SORBS2: variants seen among roughly 807,000 people sequenced by gnomAD.
The protein encoded by SORBS2 is sorbin and SH3 domain-containing protein 2.
SORBS2 carries 46 observed loss-of-function variants against 97.7 expected under a neutral mutation model. The ratio of observed to expected loss-of-function variants is 0.47; its 90% CI spans 0.37 to 0.60. SORBS2 has a LOEUF of 0.60. Ranked by LOEUF, SORBS2 falls within the 20% of genes least tolerant of loss-of-function variation. The probability of loss-of-function intolerance (pLI) is 0.00; values close to 1 mark genes in which losing one functional copy is unlikely to be tolerated. For synonymous variants in SORBS2, 476 were observed against 473.4 expected (o/e 1.01, Z -0.07); for missense variants, 1,316 against 1,282.3 (o/e 1.03, Z -0.40).
intron 1 of SORBS2, among the ~76,000 whole-genome samples, chr4:185,943,105 A>T (rs2099272912): frequency 6.6e-6 from 1 of 152,238 alleles, no homozygotes; most frequent in South Asian, 2.1e-4. Context: ...GATGAAACAG[A>T]TTTGGATTAA....
rs549557264 is a variant in SORBS2, at chr4:185,699,664, T to C, written c.-197-20842A>G. 9.2e-5 allele frequency among the ~76,000 whole-genome samples: 14 copies of C among 152,218 alleles called. No individual in the cohort carries two copies. The South Asian group carries it at 2.9e-3, about 32-fold the overall frequency. Reference sequence around the variant, plus strand: ...TTTGAACGAGAAAATAATAAGCCAATGGAGGAAAAATATCATCTGAAGAAA... The same window carrying C: ...TTTGAACGAGAAAATAATAAGCCAACGGAGGAAAAATATCATCTGAAGAAA... On this transcript the variant is annotated intron_variant, in intron 2 of 20. Coordinates refer to the SORBS2 transcript ENST00000284776.
At chr4:185,870,604 C>T (rs1257522530) in intron 1 of SORBS2, among the ~76,000 whole-genome samples, 5 of 152,340 alleles carry the variant, frequency 3.3e-5, no homozygotes, top group Middle Eastern at 3.4e-3. Flanking sequence ...ACGGATGCTG[C>T]GCTCGTTCCT....
rs188840999 is a variant in SORBS2, at chr4:185,783,170, G to C, written c.-337-7804C>G. 1.3e-3 allele frequency among the ~76,000 whole-genome samples: 197 copies of C among 152,314 alleles called. 1 individual carries two copies. Among genetic ancestry groups the C allele is most frequent in the African/African-American group, 4.5e-3 (189 of 41,550 alleles). ...GAAGGACGAATTAAGCCCAATGAAG[G>C]ACAGTTGACCAGCATTCAAGAGGTA... is the stretch of plus-strand genomic sequence containing the variant. On this transcript the variant is annotated intron_variant, in intron 1 of 20. Transcript: ENST00000284776.
intron 1 of SORBS2, among the ~76,000 whole-genome samples, chr4:185,929,660 C>G (rs1237464512): frequency 6.6e-6 from 1 of 151,776 alleles, no homozygotes; most frequent in Non-Finnish European, 1.5e-5. Context: ...CTCAGCCTCC[C>G]GAATAGCTGG....
intron 1 of SORBS2, among the ~76,000 whole-genome samples, chr4:185,895,443 G>T (rs1305056087): frequency 6.6e-6 from 1 of 152,254 alleles, no homozygotes; most frequent in Non-Finnish European, 1.5e-5. Flanking sequence ...AATAAGCCAA[G>T]GAGGTGAGGG....
intron 2 of SORBS2, among the ~76,000 whole-genome samples, chr4:185,750,236 A>AT (rs1193070386): frequency 1.3e-5 from 2 of 152,226 alleles, no homozygotes; most frequent in Admixed American, 1.3e-4. Flanking sequence ...GCAAAGCATG[A>AT]TTTTTTAAGT....
At chr4:185,726,538 C>A (rs1263926054) in intron 2 of SORBS2, among the ~76,000 whole-genome samples, 1 of 151,910 alleles carries the variant, frequency 6.6e-6, no homozygotes, top group African/African-American at 2.4e-5. Flanking sequence ...ACAATGCTTA[C>A]TTTGTATAAG....
At chr4:185,787,183 A>C (rs1334914958) in intron 1 of SORBS2, among the ~76,000 whole-genome samples, 1 of 152,090 alleles carries the variant, frequency 6.6e-6, no homozygotes, top group East Asian at 1.9e-4. Flanking sequence ...AACAAAATAC[A>C]ACCAGTTCCC....
intron 12 of SORBS2, among the ~76,000 whole-genome samples, chr4:185,595,435 C>A (rs1370272347): frequency 3.3e-5 from 5 of 152,010 alleles, no homozygotes; most frequent in Non-Finnish European, 5.9e-5. Flanking sequence ...TCTTAAAGGT[C>A]ATTTAATTCA....
At chr4:185,640,676 GT>G (rs2097111519) in intron 4 of SORBS2, among the ~76,000 whole-genome samples, 1 of 152,118 alleles carries the variant, frequency 6.6e-6, no homozygotes, top group Non-Finnish European at 1.5e-5. Flanking sequence ...AGATTTTAAT[GT>G]CCATAAAATA....
intron 2 of SORBS2, among the ~76,000 whole-genome samples, chr4:185,720,136 C>A (rs2098500894): frequency 6.6e-6 from 1 of 152,194 alleles, no homozygotes; most frequent in South Asian, 2.1e-4. Flanking sequence ...AAAGACAGAG[C>A]AATAAATGGA....
chr4:185,757,637 GT>G (rs1294036547), intron 2 of SORBS2, among the ~76,000 whole-genome samples: 2 of 142,020 alleles, frequency 1.4e-5, no homozygotes, highest in Middle Eastern at 3.5e-3. Context: ...TTAAATCACT[GT>G]CTCAACTCCT....
At chr4:185,844,959 G>T (rs985581583) in intron 1 of SORBS2, among the ~76,000 whole-genome samples, 11 of 151,938 alleles carry the variant, frequency 7.2e-5, no homozygotes, top group Non-Finnish European at 1.5e-4. Context: ...GCTGGCGAAA[G>T]AGAAGAATGG....
intron 2 of SORBS2, among the ~76,000 whole-genome samples, chr4:185,730,718 G>C (rs2098612635): frequency 6.7e-6 from 1 of 148,166 alleles, no homozygotes; most frequent in Admixed American, 6.6e-5. Context: ...GCTAGAACAA[G>C]GGAACAGGTC....
At chr4:185,901,725 A>C (rs536534799) in intron 1 of SORBS2, among the ~76,000 whole-genome samples, 8 of 152,320 alleles carry the variant, frequency 5.3e-5, no homozygotes, top group African/African-American at 1.9e-4. Context: ...CAAATGTTGA[A>C]ATAATTATCA....
intron 1 of SORBS2, among the ~76,000 whole-genome samples, chr4:185,877,484 A>C (rs1039002834): frequency 6.6e-6 from 1 of 152,218 alleles, no homozygotes; most frequent in Non-Finnish European, 1.5e-5. Context: ...AATCATTGAA[A>C]ATACAGCTAT....
chr4:185,853,525 A>C (rs1018404527), intron 1 of SORBS2, among the ~76,000 whole-genome samples: 2 of 152,202 alleles, frequency 1.3e-5, no homozygotes, highest in African/African-American at 4.8e-5. Context: ...GAGTATAAAA[A>C]GGAGAACATG....
chr4:185,790,638 G>A (rs1448978121), intron 1 of SORBS2, among the ~76,000 whole-genome samples: 1 of 152,040 alleles, frequency 6.6e-6, no homozygotes, highest in Non-Finnish European at 1.5e-5. Context: ...ATAAATAGAT[G>A]GTCTATTCAT....
rs944537420 is a variant in SORBS2, at chr4:185,840,063, C to T, written c.-337-64697G>A. ...AGCAGCACAGCTCCACGCAGAGTTT[C>T]ACCCCAGTGCTTCTCTGTGAGGTGT... On this transcript the variant is annotated intron_variant, in intron 1 of 20. Transcript: ENST00000284776. Among the ~76,000 whole-genome samples the T allele has an allele frequency of 9.9e-5, 15 of 152,218 alleles. 1 individual carries two copies. The highest frequency in any genetic ancestry group is 7.8e-4 in the Admixed American group (12 of 15,290).
Sources: gnomAD v4.1 joint callset for allele counts (sites outside exome capture counted in the v4.1 genomes callset) on GRCh38, gnomAD v4.1.1 for gene constraint, MANE v1.5 for transcripts, NCBI Gene and HGNC (gene_info 2026-07-23, HGNC 2026-07-21) for gene names.